The following TTLL9 variants were observed in gnomAD, a reference collection of about 807,000 sequenced individuals.
The protein encoded by TTLL9 is tubulin tyrosine ligase like 9.
In TTLL9, 47 loss-of-function variants were observed where a neutral mutation model predicts 65.6. That is an observed-to-expected ratio of 0.72 (90% CI 0.57 to 0.91). TTLL9 has a LOEUF of 0.91. Among genes scored for constraint, TTLL9 ranks in the 40% least tolerant of loss-of-function variants. The pLI is 0.00. For synonymous variants in TTLL9, 179 were observed against 204.8 expected (o/e 0.87, Z 1.07); for missense variants, 537 against 568.8 (o/e 0.94, Z 0.57).
At chr20:31,922,558 T>C (rs1432087271) in intron 7 of TTLL9, among the ~76,000 whole-genome samples, 1 of 152,262 alleles carries the variant, frequency 6.6e-6, no homozygotes, top group Non-Finnish European at 1.5e-5. Flanking sequence ...TTTGTCCTTT[T>C]GTATCTGGCT....
At chr20:31,910,316 T>C (rs774524539) in intron 6 of TTLL9, among the ~76,000 whole-genome samples, 2 of 152,260 alleles carry the variant, frequency 1.3e-5, no homozygotes, top group Non-Finnish European at 2.9e-5. Context: ...TTACTGAGCA[T>C]GTACCATGTG....
intron 10 of TTLL9, among the ~76,000 whole-genome samples, chr20:31,932,428 C>G (rs1461427960): frequency 2.8e-5 from 4 of 142,320 alleles, no homozygotes; most frequent in Non-Finnish European, 6.0e-5. Flanking sequence ...GATGAGATGG[C>G]ACCACTGCAC....
chr20:31,916,333 T>C (rs1408144308), intron 6 of TTLL9, among the ~76,000 whole-genome samples: 1 of 152,038 alleles, frequency 6.6e-6, no homozygotes, highest in Non-Finnish European at 1.5e-5. Context: ...TTTGACAGGG[T>C]TCTGGAGAAC....
At chr20:31,889,515 C>T (rs1478356773) in intron 3 of TTLL9, among the ~76,000 whole-genome samples, 2 of 151,634 alleles carry the variant, frequency 1.3e-5, no homozygotes, top group African/African-American at 4.8e-5. Flanking sequence ...CTCTGCCTCC[C>T]GGGTTCAAGT....
At chr20:31,895,772 A>G (rs563884872) in intron 3 of TTLL9, among the ~76,000 whole-genome samples, 1 of 151,504 alleles carries the variant, frequency 6.6e-6, no homozygotes, top group East Asian at 2.0e-4. Flanking sequence ...ATGCCAACCC[A>G]TTTCAGTCCC....
chr20:31,884,005 C>A, intron 2 of TTLL9: 2 of 491,756 alleles, frequency 4.1e-6, no homozygotes, highest in South Asian at 4.0e-5. Context: ...GTAAGTAAGT[C>A]TGCCTTTATT....
At chr20:31,922,067 G>A (rs561866109) in intron 7 of TTLL9, among the ~76,000 whole-genome samples, 1 of 152,040 alleles carries the variant, frequency 6.6e-6, no homozygotes, top group African/African-American at 2.4e-5. Flanking sequence ...TCAGGAGTTC[G>A]AGACCAGCCT....
intron 14 of TTLL9, 45 bp from the exon 15 acceptor site, chr20:31,942,900 T>C: frequency 6.2e-7 from 1 of 1,606,618 alleles, no homozygotes; most frequent in Non-Finnish European, 8.5e-7. Flanking sequence ...CCTCCACTCC[T>C]CCCAAGCATA....
chr20:31,887,914 C>T (rs989413197), intron 3 of TTLL9, among the ~76,000 whole-genome samples: 36 of 18,210 alleles, frequency 2.0e-3, no homozygotes, highest in African/African-American at 7.6e-3. Context: ...TTTTGAGTTT[C>T]ACTCTTGTTA....
chr20:31,872,363 A>G (rs2062948603), intron 2 of TTLL9, among the ~76,000 whole-genome samples: 1 of 152,058 alleles, frequency 6.6e-6, no homozygotes, highest in Admixed American at 6.6e-5. Flanking sequence ...AGCTTAAGCA[A>G]TATACTAAAA....
chr20:31,905,418 A>T (rs1289103301), intron 4 of TTLL9, among the ~76,000 whole-genome samples: 4 of 152,034 alleles, frequency 2.6e-5, no homozygotes, highest in Non-Finnish European at 5.9e-5. Context: ...AGTTCTTGAA[A>T]CCGTTCTTCC....
chr20:31,883,347 G>A (rs539149197), intron 2 of TTLL9, among the ~76,000 whole-genome samples: 10 of 151,856 alleles, frequency 6.6e-5, no homozygotes, highest in South Asian at 2.1e-4. Context: ...ACAGTTCCTC[G>A]CCACCATGCC....
At chr20:31,920,064 C>A in intron 7 of TTLL9, 132 bp downstream of exon 7, 1 of 708,806 alleles carries the variant, frequency 1.4e-6, no homozygotes, top group South Asian at 3.3e-5. Flanking sequence ...CCCATTGGAG[C>A]AGGGTCTCCA....
rs181933010 is a variant in TTLL9, at chr20:31,943,116, T to A, written c.*95T>A. On this transcript the variant is annotated 3_prime_UTR_variant, in exon 15 of 15. Transcript: ENST00000535842. ...AGCACAGCACCTCACAGCATTCGCC[T>A]CCCCACCTCCAGCCTGGCACCAGCT... 331 of 1,170,980 alleles carry A rather than the reference T, an allele frequency of 2.8e-4. 1 individual carries two copies. In the African/African-American group the frequency reaches 3.6e-3, roughly 13 times the overall value. The allele number at this position is 1,170,980 out of a possible 1,614,324, so 72.5% of individuals were successfully genotyped here.
chr20:31,921,077 T>C (rs1012825556), intron 7 of TTLL9, among the ~76,000 whole-genome samples: 3 of 152,104 alleles, frequency 2.0e-5, no homozygotes, highest in African/African-American at 7.2e-5. Context: ...GGGATGAAAA[T>C]GGATATCTGT....
chr20:31,913,150 C>A (rs1459834633), intron 6 of TTLL9, among the ~76,000 whole-genome samples: 3 of 151,802 alleles, frequency 2.0e-5, no homozygotes, highest in Non-Finnish European at 4.4e-5. Flanking sequence ...CAGAGTGAGA[C>A]CCTATCTAAA....
chr20:31,885,133 A>G (rs2063171251), intron 2 of TTLL9, among the ~76,000 whole-genome samples: 1 of 152,206 alleles, frequency 6.6e-6, no homozygotes, highest in African/African-American at 2.4e-5. Context: ...CTTCCTGAAA[A>G]TATCTGTAGA....
In TTLL9 at chr20:31,934,797, AG is replaced by A. The variant is rs2064081500; in HGVS notation, c.914del (p.Ser305ThrfsTer8). On this transcript the variant is annotated frameshift_variant, in exon 12 of 15. Coordinates refer to ENST00000535842, the MANE Select transcript of TTLL9 (RefSeq NM_001008409.5). LOFTEE classifies it high-confidence loss of function. ...GGACATCGACAACATCTTTGTCAAA[AG>A]CCTGCAGAGTGTGCAGAAGGTGATC... ...FRDIDNIFVK[S>X]LQSVQKVIIS... The A allele has an allele frequency of 1.2e-6, 2 of 1,613,854 alleles. No homozygotes were observed. The highest frequency in any genetic ancestry group is 2.7e-5 in the African/African-American group (2 of 74,928).
At chr20:31,897,707 C>T (rs1180821340) in intron 3 of TTLL9, among the ~76,000 whole-genome samples, 1 of 152,074 alleles carries the variant, frequency 6.6e-6, no homozygotes, top group African/African-American at 2.4e-5. Flanking sequence ...TCTCTGACAG[C>T]ACCGAGCGGG....
Sources: gnomAD v4.1 joint callset for allele counts (sites outside exome capture counted in the v4.1 genomes callset) on GRCh38, gnomAD v4.1.1 for gene constraint, MANE v1.5 for transcripts, NCBI Gene and HGNC (gene_info 2026-07-23, HGNC 2026-07-21) for gene names.